Variants in DACH2 observed in about 807,000 individuals in gnomAD.
DACH2 encodes the protein dachshund homolog 2.
Under a neutral mutation model 35.8 loss-of-function variants are expected in DACH2, and 17 were observed. The ratio of observed to expected loss-of-function variants is 0.48; its 90% CI spans 0.33 to 0.71. DACH2 has a LOEUF of 0.71. Ranked by LOEUF, DACH2 falls within the 30% of genes least tolerant of loss-of-function variation. DACH2 has a pLI of 0.02. For missense variants in DACH2, 469 were observed against 472.7 expected (o/e 0.99, Z 0.07); for synonymous variants, 195 against 177.3 (o/e 1.10, Z -0.79).
chrX:86,647,091 G>T (rs2040424800), intron 3 of DACH2, among the ~76,000 whole-genome samples: 1 of 109,718 alleles, frequency 9.1e-6, no homozygotes, highest in Non-Finnish European at 1.9e-5. Flanking sequence ...ATGTAAACTG[G>T]TTTAGCCAGT....
In DACH2 at chrX:86,148,587, G is replaced by C; in HGVS notation, c.-34G>C. ...TAGAGGAGTCAGGGCGAGAAAGCGA[G>C]GGCCGGAGGACCCACGATAGAGACA... On this transcript the variant is annotated 5_prime_UTR_variant, in exon 1 of 12. Coordinates refer to ENST00000373125, the MANE Select transcript of DACH2 (RefSeq NM_053281.3). 1 of 1,128,900 alleles carries C rather than the reference G, an allele frequency of 8.9e-7. No individual in the cohort carries two copies. The highest frequency in any genetic ancestry group is 1.2e-6 in the Non-Finnish European group (1 of 855,362). 93.0% of individuals were successfully genotyped at this position (1,128,900 alleles called of 1,213,427 possible).
chrX:86,290,745 T>C (rs1334556971), intron 1 of DACH2, among the ~76,000 whole-genome samples: 1 of 96,085 alleles, frequency 1.0e-5, no homozygotes, highest in Non-Finnish European at 2.0e-5. Context: ...ATATGCAGCA[T>C]TATTTCTGAG....
At chrX:86,681,760 T>G (rs1244561176) in intron 4 of DACH2, among the ~76,000 whole-genome samples, 4 of 109,596 alleles carry the variant, frequency 3.6e-5, no homozygotes, top group African/African-American at 1.3e-4. Context: ...TAGTATTTTT[T>G]TCTGATCATT....
intron 3 of DACH2, among the ~76,000 whole-genome samples, chrX:86,578,039 C>A (rs968071669): frequency 5.4e-5 from 6 of 111,724 alleles, no homozygotes; most frequent in African/African-American, 2.0e-4. Context: ...ATTAATCAAA[C>A]CACAAATGGG....
At chrX:86,762,269 C>A (rs1443931436) in intron 7 of DACH2, among the ~76,000 whole-genome samples, 1 of 111,196 alleles carries the variant, frequency 9.0e-6, no homozygotes, top group Non-Finnish European at 1.9e-5. Context: ...TCAAGTTATT[C>A]CCTAAAAAAT....
chrX:86,799,560 T>C, intron 7 of DACH2, among the ~76,000 whole-genome samples: 1 of 111,581 alleles, frequency 9.0e-6, no homozygotes, highest in Non-Finnish European at 1.9e-5. Context: ...GGATGGGTCG[T>C]CGATTCAGAC....
chrX:86,717,974 G>A (rs971013171), intron 6 of DACH2, among the ~76,000 whole-genome samples: 2 of 108,962 alleles, frequency 1.8e-5, no homozygotes, highest in African/African-American at 6.7e-5. Flanking sequence ...AAACATATGA[G>A]TACAGATATC....
chrX:86,370,394 G>A (rs1209540446), intron 1 of DACH2, among the ~76,000 whole-genome samples: 1 of 111,728 alleles, frequency 9.0e-6, no homozygotes. Flanking sequence ...TACCATAAAT[G>A]TTTTGTTTGG....
At chrX:86,295,817 A>T (rs2034441271) in intron 1 of DACH2, among the ~76,000 whole-genome samples, 3 of 109,243 alleles carry the variant, frequency 2.7e-5, no homozygotes. Flanking sequence ...GAGGGGTGGC[A>T]TCAGAGAACA....
chrX:86,809,195 T>C (rs1172427425), intron 7 of DACH2, among the ~76,000 whole-genome samples: 1 of 111,912 alleles, frequency 8.9e-6, no homozygotes. Flanking sequence ...TATTATGTTC[T>C]ATGTGCTGAT....
intron 3 of DACH2, among the ~76,000 whole-genome samples, chrX:86,638,186 T>G (rs2040301106): frequency 8.9e-6 from 1 of 111,780 alleles, no homozygotes; most frequent in Non-Finnish European, 1.9e-5. Flanking sequence ...TCTTCAATGG[T>G]GCTGGGAACA....
intron 6 of DACH2, among the ~76,000 whole-genome samples, chrX:86,723,057 A>AT (rs2041425329): frequency 8.9e-6 from 1 of 112,049 alleles, no homozygotes; most frequent in Non-Finnish European, 1.9e-5. Context: ...TCTTGAGAAA[A>AT]TGTAAGTTTC....
chrX:86,154,191 T>C (rs574528463), intron 1 of DACH2, among the ~76,000 whole-genome samples: 1 of 111,597 alleles, frequency 9.0e-6, no homozygotes, highest in African/African-American at 3.2e-5. Flanking sequence ...CAACATGTTA[T>C]ATTTCAGTTG....
chrX:86,245,729 G>A (rs1316594531), intron 1 of DACH2, among the ~76,000 whole-genome samples: 1 of 112,001 alleles, frequency 8.9e-6, no homozygotes, highest in Non-Finnish European at 1.9e-5. Flanking sequence ...CCACACAGGA[G>A]AAAGAACCAG....
chrX:86,172,322 C>T (rs1211764944), intron 1 of DACH2, among the ~76,000 whole-genome samples: 1 of 111,804 alleles, frequency 8.9e-6, no homozygotes, highest in Non-Finnish European at 1.9e-5. Context: ...CACTTAATCT[C>T]ATTTAGACTT....
chrX:86,803,775 AATTAT>A lies in DACH2; in HGVS notation c.1241-9072_1241-9068del, dbSNP rs749725037. Among the ~76,000 whole-genome samples the A allele has an allele frequency of 1.3e-4, 14 of 110,778 alleles. No homozygotes were observed. In the South Asian group the frequency reaches 4.1e-3, roughly 32 times the overall value. The stretch of plus-strand genomic sequence containing the variant: ...GAATAAAATATTTAATAAAATAAAT[AATTAT>A]ATTATATTGTATATTAAATGGTGCT... On this transcript the variant is annotated intron_variant, in intron 7 of 11. Coordinates refer to ENST00000373125, the MANE Select transcript of DACH2 (RefSeq NM_053281.3).
intron 11 of DACH2, among the ~76,000 whole-genome samples, chrX:86,818,375 A>G (rs2042473327): frequency 9.0e-6 from 1 of 111,465 alleles, no homozygotes; most frequent in Non-Finnish European, 1.9e-5. Context: ...AGTTTACCAA[A>G]TCAGTCAGGT....
chrX:86,665,847 T>A (rs1450373157), intron 4 of DACH2, among the ~76,000 whole-genome samples: 1 of 110,930 alleles, frequency 9.0e-6, no homozygotes, highest in Non-Finnish European at 1.9e-5. Flanking sequence ...TTATAAAACA[T>A]ATGTTATTCC....
At chrX:86,667,427 AAGAAAAGAAAGAAAGAAGAAAG>A (rs1196520907) in intron 4 of DACH2, among the ~76,000 whole-genome samples, 1 of 85,354 alleles carries the variant, frequency 1.2e-5, no homozygotes, top group Non-Finnish European at 2.4e-5. Flanking sequence ...AGAAAGAAGA[AAGAAAAGAAAGAAAGAAGAAAG>A]AGAAAGAAAG....
Sources: allele counts gnomAD v4.1 joint callset (sites outside exome capture counted in the v4.1 genomes callset), GRCh38; gene constraint gnomAD v4.1.1; transcripts MANE v1.5; gene names NCBI Gene and HGNC (gene_info 2026-07-23, HGNC 2026-07-21).